Variants in GABRB1 observed in about 807,000 individuals in gnomAD.
The protein encoded by GABRB1 is gamma-aminobutyric acid type A receptor subunit beta1, also known as gamma-aminobutyric acid receptor subunit beta-1.
In GABRB1, 17 loss-of-function variants were observed where a neutral mutation model predicts 51.6. The ratio of observed to expected loss-of-function variants is 0.33; its 90% CI spans 0.23 to 0.49. The LOEUF is 0.49. Among genes scored for constraint, GABRB1 ranks in the 20% least tolerant of loss-of-function variants. The probability of loss-of-function intolerance (pLI) is 0.99; values close to 1 mark genes in which losing one functional copy is unlikely to be tolerated. For missense variants in GABRB1, 410 were observed against 600.6 expected (o/e 0.68, Z 3.32); for synonymous variants, 247 against 218.9 (o/e 1.13, Z -1.14).
chr4:47,331,240 A>C (rs1303602904), intron 5 of GABRB1, among the ~76,000 whole-genome samples: 1 of 152,078 alleles, frequency 6.6e-6, no homozygotes, highest in Admixed American at 6.6e-5. Flanking sequence ...GGGTGGAGAG[A>C]GGAAGGGAAT....
intron 5 of GABRB1, among the ~76,000 whole-genome samples, chr4:47,378,091 G>A (rs919470773): frequency 6.6e-6 from 1 of 152,220 alleles, no homozygotes; most frequent in South Asian, 2.1e-4. Flanking sequence ...CGTAGAGCAG[G>A]GGGTGGCGCT....
intron 3 of GABRB1, among the ~76,000 whole-genome samples, chr4:47,114,137 C>T (rs1438710933): frequency 6.6e-6 from 1 of 152,180 alleles, no homozygotes; most frequent in Non-Finnish European, 1.5e-5. Flanking sequence ...TTATTCCCGA[C>T]CATCTACTTT....
chr4:47,341,374 C>G (rs368786544), intron 5 of GABRB1, among the ~76,000 whole-genome samples: 1 of 152,178 alleles, frequency 6.6e-6, no homozygotes, highest in Non-Finnish European at 1.5e-5. Flanking sequence ...TAATCCACAA[C>G]GTTTATATAA....
chr4:47,271,400 C>G (rs1722867454), intron 4 of GABRB1, among the ~76,000 whole-genome samples: 1 of 152,148 alleles, frequency 6.6e-6, no homozygotes, highest in Admixed American at 6.6e-5. Flanking sequence ...ACCAAAACAA[C>G]AGTTTAATGA....
chr4:47,320,770 C>CTTTTTTTTTTT (rs11313211), intron 5 of GABRB1, among the ~76,000 whole-genome samples: 1 of 105,030 alleles, frequency 9.5e-6, no homozygotes, highest in Non-Finnish European at 2.0e-5. Flanking sequence ...TTTCTTTTTT[C>CTTTTTTTTTTT]TTTTTTTTTT....
chr4:47,033,074 G>C (rs1725407834), intron 3 of GABRB1: 1 of 225,170 alleles, frequency 4.4e-6, no homozygotes, highest in Admixed American at 5.0e-5. Context: ...GGGTAGGCTT[G>C]TATTGTTCTC....
chr4:47,400,751 A>T (rs1225694757), intron 5 of GABRB1, among the ~76,000 whole-genome samples: 2 of 152,048 alleles, frequency 1.3e-5, no homozygotes, highest in Admixed American at 6.6e-5. Flanking sequence ...AGTCTCCAAC[A>T]TTCCTTATAC....
intron 4 of GABRB1, among the ~76,000 whole-genome samples, chr4:47,204,483 TC>T (rs1403559131): frequency 1.3e-5 from 2 of 152,016 alleles, no homozygotes; most frequent in African/African-American, 4.8e-5. Flanking sequence ...CTCACTCTGC[TC>T]CCCCTAACCC....
At chr4:47,055,468 G>A (rs1052886866) in intron 3 of GABRB1, among the ~76,000 whole-genome samples, 5 of 152,106 alleles carry the variant, frequency 3.3e-5, no homozygotes, top group Non-Finnish European at 4.4e-5. Context: ...GTAACCGAGC[G>A]GACACCATTT....
chr4:47,032,038 A>G, intron 2 of GABRB1, 33 bp downstream of exon 2: 1 of 1,448,814 alleles, frequency 6.9e-7, no homozygotes, highest in Non-Finnish European at 9.6e-7. Flanking sequence ...CCTGTAACCC[A>G]TCCTTAGTTC....
chr4:47,385,491 G>A (rs149529348), intron 5 of GABRB1, among the ~76,000 whole-genome samples: 50 of 152,272 alleles, frequency 3.3e-4, no homozygotes, highest in African/African-American at 1.1e-3. Context: ...TAAAAGATTT[G>A]ACCACAGGTA....
Position 47,318,940 on chromosome 4 carries a change from T to A in GABRB1, c.462-1187T>A, listed in dbSNP as rs533374656. Among the ~76,000 whole-genome samples the A allele has an allele frequency of 3.9e-4, 60 of 152,242 alleles. 1 individual carries two copies. The highest frequency in any genetic ancestry group is 2.0e-4 in the Admixed American group (3 of 15,286). ...AATTTGAAATTTTCTAAAAATACTC[T>A]ATGCAAATAGAAGCACAGCTGTGTC... is the stretch of plus-strand genomic sequence containing the variant. On this transcript the variant is annotated intron_variant, in intron 4 of 8. Coordinates refer to ENST00000295454, the MANE Select transcript of GABRB1 (RefSeq NM_000812.4).
intron 3 of GABRB1, among the ~76,000 whole-genome samples, chr4:47,159,670 T>A (rs1002372184): frequency 1.3e-5 from 2 of 152,142 alleles, no homozygotes; most frequent in Non-Finnish European, 2.9e-5. Context: ...AGTATAAATG[T>A]TCTTCAATAT....
chr4:47,025,324 G>C (rs1725057522), intron 1 of GABRB1, among the ~76,000 whole-genome samples: 1 of 151,878 alleles, frequency 6.6e-6, no homozygotes, highest in South Asian at 2.1e-4. Flanking sequence ...TCGCCACACT[G>C]TTTTCCATAG....
chr4:47,420,303 G>A (rs1176483099), intron 8 of GABRB1, among the ~76,000 whole-genome samples: 1 of 152,148 alleles, frequency 6.6e-6, no homozygotes, highest in Non-Finnish European at 1.5e-5. Flanking sequence ...CAGTGAGAGG[G>A]GAGAAGGAGA....
At chr4:47,163,311 G>A (rs1718041218) in intron 4 of GABRB1, among the ~76,000 whole-genome samples, 1 of 152,024 alleles carries the variant, frequency 6.6e-6, no homozygotes, top group East Asian at 1.9e-4. Flanking sequence ...GCCTTATATA[G>A]CCTTATTAGG....
chr4:47,049,400 T>C (rs1726245714), intron 3 of GABRB1, among the ~76,000 whole-genome samples: 1 of 152,144 alleles, frequency 6.6e-6, no homozygotes, highest in Non-Finnish European at 1.5e-5. Context: ...CAGAGGCTAA[T>C]CAGACGACCA....
At position 47,032,002 on chromosome 4, in the gene GABRB1, G is replaced by C; in HGVS notation, c.169G>C (p.Gly57Arg). The C allele has an allele frequency of 6.2e-7, 1 of 1,611,584 alleles. No homozygotes were observed. Among genetic ancestry groups the C allele is most frequent in the Non-Finnish European group, 8.5e-7 (1 of 1,178,924 alleles). ...GYDIRLRPDF[G>R]GPPVDVGMRI... Reference sequence around the variant, plus strand: ...TGACATTCGCTTGCGGCCGGACTTCGGAGGTAACGCTTCATCTTTTTTCAA... The same window carrying C: ...TGACATTCGCTTGCGGCCGGACTTCCGAGGTAACGCTTCATCTTTTTTCAA... Residue 57 changes from glycine to arginine, a missense_variant, in exon 2 of 9, where the codon GGA becomes CGA. Physicochemically the swap from Gly to Arg is moderately radical, Grantham distance 125. This residue lies in a region of GABRB1 where 100 missense variants were observed against 184.3 expected (regional missense o/e 0.54). Coordinates refer to ENST00000295454, the MANE Select transcript of GABRB1 (RefSeq NM_000812.4).
chr4:47,349,261 T>C (rs1264667691), intron 5 of GABRB1, among the ~76,000 whole-genome samples: 1 of 152,078 alleles, frequency 6.6e-6, no homozygotes, highest in Admixed American at 6.6e-5. Context: ...GTAAGGAAGA[T>C]GGCTTGGGAG....
Sources: allele counts gnomAD v4.1 joint callset (sites outside exome capture counted in the v4.1 genomes callset), GRCh38; gene constraint gnomAD v4.1.1; regional missense constraint gnomAD v4.1.1; transcripts MANE v1.5; gene names NCBI Gene and HGNC (gene_info 2026-07-23, HGNC 2026-07-21).